DTNB: variants seen among roughly 807,000 people sequenced by gnomAD.
The protein encoded by DTNB is dystrobrevin beta.
Under a neutral mutation model 90.7 loss-of-function variants are expected in DTNB, and 63 were observed. The ratio of observed to expected loss-of-function variants is 0.69; its 90% CI spans 0.57 to 0.86. The LOEUF is 0.86. Among genes scored for constraint, DTNB ranks in the 40% least tolerant of loss-of-function variants. The pLI, the probability that DTNB is intolerant of heterozygous loss-of-function variation, is 0.00. For missense variants in DTNB, 744 were observed against 807.1 expected, an observed-to-expected ratio of 0.92 and a Z score of 0.95; for synonymous variants, 277 against 286.7, an observed-to-expected ratio of 0.97 and a Z score of 0.34.
chr2:25,667,958 G>A (rs974410241), intron 1 of DTNB, among the ~76,000 whole-genome samples: 5 of 152,182 alleles, frequency 3.3e-5, no homozygotes, highest in Non-Finnish European at 7.4e-5. Flanking sequence ...GAAATGAGCT[G>A]GCCGGACGCG....
chr2:25,561,735 T>G (rs1006358829), intron 8 of DTNB, among the ~76,000 whole-genome samples: 9 of 152,202 alleles, frequency 5.9e-5, no homozygotes, highest in Non-Finnish European at 1.2e-4. Context: ...TGCCTGCTTC[T>G]GCTATGCCTT....
intron 6 of DTNB, among the ~76,000 whole-genome samples, chr2:25,591,984 C>T (rs557990409): frequency 1.3e-4 from 19 of 144,812 alleles, no homozygotes; most frequent in East Asian, 2.1e-4. Context: ...TCGCTTGAAC[C>T]GGGGAGGCAG....
At chr2:25,389,612 G>C (rs1403670512) in intron 16 of DTNB, among the ~76,000 whole-genome samples, 4 of 152,210 alleles carry the variant, frequency 2.6e-5, no homozygotes, top group Non-Finnish European at 5.9e-5. Flanking sequence ...GTGGACTAGG[G>C]TTTTCTGTGG....
Position 25,387,447 on chromosome 2 carries a change from G to A in DTNB, c.1736-69C>T. The A allele has an allele frequency of 6.8e-7, 1 of 1,463,828 alleles. No individual in the cohort carries two copies. Among genetic ancestry groups the A allele is most frequent in the Non-Finnish European group, 9.5e-7 (1 of 1,054,820 alleles). The allele number at this position is 1,463,828 out of a possible 1,614,324, so 90.7% of individuals were successfully genotyped here. A position where few individuals can be genotyped will look rare whatever the true frequency, so the allele number is the denominator to read the frequency against. On this transcript the variant is annotated intron_variant, in intron 17 of 20. Transcript: ENST00000406818. The surrounding 1 kb of genome is among the most constrained non-coding windows in gnomAD (Gnocchi z 4.5). ...GTGGAGAAGAGACGGCTGAGCAAATGCCTCAGTTCTGCCAGGCCCGAGAAC... is the reference window on the plus strand; with the variant it reads ...GTGGAGAAGAGACGGCTGAGCAAATACCTCAGTTCTGCCAGGCCCGAGAAC...
intron 2 of DTNB, 66 bp downstream of exon 2, chr2:25,652,527 TG>T: frequency 7.7e-7 from 1 of 1,306,078 alleles, no homozygotes; most frequent in Non-Finnish European, 1.0e-6. Flanking sequence ...AGCTATGACT[TG>T]ATCTAAAAAA....
chr2:25,416,848 G>T (rs939598481), intron 16 of DTNB, among the ~76,000 whole-genome samples: 3 of 151,522 alleles, frequency 2.0e-5, no homozygotes, highest in Non-Finnish European at 4.4e-5. Flanking sequence ...AAGGAAGGAA[G>T]GGTGGTTGGG....
At chr2:25,456,639 C>A (rs2060078253) in intron 10 of DTNB, among the ~76,000 whole-genome samples, 1 of 152,080 alleles carries the variant, frequency 6.6e-6, no homozygotes, top group Non-Finnish European at 1.5e-5. Context: ...ATGGCATGAT[C>A]TCGGGTCACT....
chr2:25,451,897 G>A (rs1300284910), intron 11 of DTNB, among the ~76,000 whole-genome samples: 1 of 152,206 alleles, frequency 6.6e-6, no homozygotes, highest in Non-Finnish European at 1.5e-5. Flanking sequence ...TGCAAGGCCT[G>A]AGAAAACACA....
At chr2:25,655,943 C>G (rs1559408000) in intron 1 of DTNB, among the ~76,000 whole-genome samples, 2 of 152,086 alleles carry the variant, frequency 1.3e-5, no homozygotes, top group Admixed American at 6.6e-5. Context: ...AGGACTATAA[C>G]TCTAAGACAC....
chr2:25,666,030 T>C (rs563749882), intron 1 of DTNB, among the ~76,000 whole-genome samples: 1 of 152,326 alleles, frequency 6.6e-6, no homozygotes, highest in African/African-American at 2.4e-5. Flanking sequence ...ATTGATATTA[T>C]TAGGTACTAT....
chr2:25,533,185 G>A (rs957633671), intron 8 of DTNB, among the ~76,000 whole-genome samples: 1 of 152,090 alleles, frequency 6.6e-6, no homozygotes. Flanking sequence ...AAATTAGCTG[G>A]TGCGGTGGCA....
intron 1 of DTNB, among the ~76,000 whole-genome samples, chr2:25,662,681 AACACAC>A (rs35136841): frequency 6.7e-5 from 7 of 104,528 alleles, no homozygotes; most frequent in South Asian, 6.4e-4. Context: ...CACACACACA[AACACAC>A]ACACACACAC....
chr2:25,553,941 C>T (rs1345232347), intron 8 of DTNB, among the ~76,000 whole-genome samples: 1 of 151,848 alleles, frequency 6.6e-6, no homozygotes, highest in African/African-American at 2.4e-5. Flanking sequence ...CTTTGGCTTC[C>T]CTTTCGAGAA....
chr2:25,563,781 T>C (rs1049484476), intron 8 of DTNB, among the ~76,000 whole-genome samples: 5 of 152,260 alleles, frequency 3.3e-5, no homozygotes, highest in Non-Finnish European at 5.9e-5. Flanking sequence ...GGTTTATTTC[T>C]GGAGTCTCAA....
At chr2:25,536,607 C>A (rs1033369993) in intron 8 of DTNB, among the ~76,000 whole-genome samples, 11 of 151,932 alleles carry the variant, frequency 7.2e-5, no homozygotes, top group Non-Finnish European at 1.3e-4. Flanking sequence ...CAGGCCGAGG[C>A]AAGAGAATCA....
chr2:25,555,844 C>T (rs529053990), intron 8 of DTNB, among the ~76,000 whole-genome samples: 11 of 152,030 alleles, frequency 7.2e-5, no homozygotes, highest in African/African-American at 2.4e-4. Flanking sequence ...GGTGAAACCC[C>T]ATCTCTACTA....
chr2:25,593,302 G>A (rs2063909557), intron 6 of DTNB, among the ~76,000 whole-genome samples: 1 of 152,184 alleles, frequency 6.6e-6, no homozygotes. Flanking sequence ...CATCAACATT[G>A]TTTTCTATCT....
intron 2 of DTNB, among the ~76,000 whole-genome samples, chr2:25,642,588 T>G (rs1395420447): frequency 6.6e-6 from 1 of 151,456 alleles, no homozygotes; most frequent in Non-Finnish European, 1.5e-5. Flanking sequence ...TTTTTTGTAT[T>G]TTTTACAGAG....
At chr2:25,630,259 G>C (rs2075377587) in intron 3 of DTNB, among the ~76,000 whole-genome samples, 1 of 152,220 alleles carries the variant, frequency 6.6e-6, no homozygotes, top group African/African-American at 2.4e-5. Context: ...AGGATGTAGA[G>C]AAGTTGAAAT....
Sources: gnomAD v4.1 joint callset for allele counts (sites outside exome capture counted in the v4.1 genomes callset) on GRCh38, gnomAD v4.1.1 for gene constraint, Gnocchi (gnomAD v3.1) non-coding constraint, MANE v1.5 for transcripts, NCBI Gene and HGNC (gene_info 2026-07-23, HGNC 2026-07-21) for gene names.